The following PPP2R2B variants were observed in gnomAD, a reference collection of about 807,000 sequenced individuals.
PPP2R2B encodes protein phosphatase 2 regulatory subunit Bbeta.
A neutral mutation model predicts 46.0 loss-of-function variants in PPP2R2B; 5 were observed. The ratio of observed to expected loss-of-function variants is 0.11; its 90% CI spans 0.06 to 0.23. The LOEUF (loss-of-function observed/expected upper bound fraction) is 0.23. PPP2R2B is among the 10% of genes least tolerant of loss of function. The pLI, the probability that PPP2R2B is intolerant of heterozygous loss-of-function variation, is 1.00. For synonymous variants in PPP2R2B, 215 were observed against 206.7 expected (o/e 1.04, Z -0.34); for missense variants, 367 against 575.0 (o/e 0.64, Z 3.70).
At chr5:146,787,847 C>T (rs999313427) in intron 2 of PPP2R2B, among the ~76,000 whole-genome samples, 8 of 152,164 alleles carry the variant, frequency 5.3e-5, no homozygotes, top group Admixed American at 2.0e-4. Context: ...GGATTACAGG[C>T]GTGAGCCACC....
intron 2 of PPP2R2B, among the ~76,000 whole-genome samples, chr5:146,805,536 T>C (rs573192447): frequency 6.6e-6 from 1 of 152,328 alleles, no homozygotes; most frequent in South Asian, 2.1e-4. Flanking sequence ...TGACATTGTC[T>C]AACATGCTTT....
At chr5:146,800,433 C>T (rs772717220) in intron 2 of PPP2R2B, among the ~76,000 whole-genome samples, 24 of 152,198 alleles carry the variant, frequency 1.6e-4, no homozygotes, top group Non-Finnish European at 2.5e-4. Context: ...TCTTGGAGGG[C>T]ACTCTCTAAT....
At chr5:146,807,581 T>A (rs918453813) in intron 2 of PPP2R2B, among the ~76,000 whole-genome samples, 11 of 152,076 alleles carry the variant, frequency 7.2e-5, no homozygotes, top group Non-Finnish European at 1.6e-4. Context: ...AAAACAGCCC[T>A]GGGAGTAGGT....
At chr5:146,829,269 C>T (rs953794645) in intron 2 of PPP2R2B, among the ~76,000 whole-genome samples, 1 of 152,016 alleles carries the variant, frequency 6.6e-6, no homozygotes, top group African/African-American at 2.4e-5. Flanking sequence ...AAGAAAAAAA[C>T]CTATTTTTTA....
intron 3 of PPP2R2B, among the ~76,000 whole-genome samples, chr5:146,700,719 A>C (rs1779486234): frequency 6.6e-6 from 1 of 152,180 alleles, no homozygotes; most frequent in African/African-American, 2.4e-5. Flanking sequence ...CTGAATTTCA[A>C]TGGCTCTATG....
At chr5:147,007,185 T>G (rs190024417) in intron 1 of PPP2R2B, among the ~76,000 whole-genome samples, 29 of 152,202 alleles carry the variant, frequency 1.9e-4, no homozygotes, top group Middle Eastern at 3.4e-3. Flanking sequence ...CGGAGGACAC[T>G]ACAACTGCAG....
chr5:146,902,545 C>G (rs1197374381), intron 1 of PPP2R2B, among the ~76,000 whole-genome samples: 1 of 152,170 alleles, frequency 6.6e-6, no homozygotes, highest in Non-Finnish European at 1.5e-5. Flanking sequence ...CACAAAAATC[C>G]TGAGGTCTGG....
intron 2 of PPP2R2B, among the ~76,000 whole-genome samples, chr5:147,075,529 A>G (rs866621660): frequency 5.9e-5 from 9 of 152,156 alleles, no homozygotes; most frequent in Admixed American, 2.0e-4. Context: ...TGACTCATAT[A>G]TATACATACA....
intron 9 of PPP2R2B, among the ~76,000 whole-genome samples, chr5:146,591,164 C>T (rs1770613392): frequency 1.3e-5 from 2 of 152,114 alleles, no homozygotes; most frequent in Non-Finnish European, 2.9e-5. Context: ...GGCTCCTACT[C>T]ATTTCTGGGT....
chr5:146,752,437 G>A (rs1219805460), intron 2 of PPP2R2B, among the ~76,000 whole-genome samples: 1 of 152,098 alleles, frequency 6.6e-6, no homozygotes, highest in Non-Finnish European at 1.5e-5. Flanking sequence ...TTATTTCTCA[G>A]AACTTAACAC....
chr5:146,726,116 A>T (rs965704441), intron 2 of PPP2R2B, among the ~76,000 whole-genome samples: 1 of 152,142 alleles, frequency 6.6e-6, no homozygotes, highest in African/African-American at 2.4e-5. Flanking sequence ...AAGGAGTTAA[A>T]GGGAAGAATC....
intron 5 of PPP2R2B, among the ~76,000 whole-genome samples, chr5:146,654,245 C>T (rs961951659): frequency 2.0e-5 from 3 of 152,296 alleles, no homozygotes; most frequent in Admixed American, 6.5e-5. Flanking sequence ...GAAGATTCCT[C>T]TGTTTGCCCC....
At chr5:146,976,107 ATTTATTATTATTATT>A (rs1752890349) in intron 1 of PPP2R2B, among the ~76,000 whole-genome samples, 1 of 109,938 alleles carries the variant, frequency 9.1e-6, no homozygotes, top group African/African-American at 3.5e-5. Context: ...TTTTTAAAAA[ATTTATTATTATTATT>A]ATTATTATTA....
chr5:146,904,224 T>A (rs957668176), intron 1 of PPP2R2B, among the ~76,000 whole-genome samples: 4 of 152,126 alleles, frequency 2.6e-5, no homozygotes, highest in Admixed American at 6.5e-5. Context: ...GAGAAAAAAA[T>A]TTTTGAAGAT....
intron 5 of PPP2R2B, among the ~76,000 whole-genome samples, chr5:146,658,652 T>A (rs957225734): frequency 1.3e-5 from 2 of 152,132 alleles, no homozygotes; most frequent in African/African-American, 4.8e-5. Context: ...TAAAATCAGA[T>A]CTTCTCAGGA....
upstream of PPP2R2B, among the ~76,000 whole-genome samples, chr5:147,057,184 T>C (rs972971550): frequency 3.3e-5 from 5 of 152,184 alleles, no homozygotes; most frequent in African/African-American, 1.2e-4. Context: ...CCCCCACCAG[T>C]ATGCCACTTC....
At chr5:146,777,375 CAAT>C (rs1439961115) in intron 2 of PPP2R2B, among the ~76,000 whole-genome samples, 1 of 152,016 alleles carries the variant, frequency 6.6e-6, no homozygotes, top group African/African-American at 2.4e-5. Context: ...CACAAAAAGA[CAAT>C]TATTGTATGA....
intron 2 of PPP2R2B, among the ~76,000 whole-genome samples, chr5:146,851,620 G>A (rs1004891612): frequency 1.3e-5 from 2 of 151,928 alleles, no homozygotes; most frequent in East Asian, 3.9e-4. Flanking sequence ...TTAATGCCAT[G>A]GTTTCCTATA....
chr5:146,695,363 T>C (rs1561839239), intron 4 of PPP2R2B, among the ~76,000 whole-genome samples: 1 of 152,100 alleles, frequency 6.6e-6, no homozygotes, highest in Non-Finnish European at 1.5e-5. Context: ...TCATTATAGG[T>C]ATTGAAGTGG....
Sources: gnomAD v4.1 joint callset for allele counts (sites outside exome capture counted in the v4.1 genomes callset) on GRCh38, gnomAD v4.1.1 for gene constraint, MANE v1.5 for transcripts, NCBI Gene and HGNC (gene_info 2026-07-23, HGNC 2026-07-21) for gene names.